RELN: variants seen among roughly 807,000 people sequenced by gnomAD.
The protein encoded by RELN is reelin.
Under a neutral mutation model 427.6 loss-of-function variants are expected in RELN, and 108 were observed. The observed-to-expected ratio is 0.25, with a 90% CI of 0.22 to 0.30. RELN has a LOEUF of 0.30. RELN is among the 10% of genes least tolerant of loss of function. RELN has a pLI of 1.00. For missense variants in RELN, 3,715 were observed against 4,302.8 expected (o/e 0.86, Z 3.82); for synonymous variants, 1,524 against 1,513.4 (o/e 1.01, Z -0.16).
chr7:103,655,035 C>T (rs1832997149), intron 12 of RELN, among the ~76,000 whole-genome samples: 1 of 151,960 alleles, frequency 6.6e-6, no homozygotes, highest in Admixed American at 6.6e-5. Context: ...TGGTCTTGAA[C>T]TCCTGGGCTC....
At chr7:103,499,552 A>G (rs1277534160) in intron 53 of RELN, among the ~76,000 whole-genome samples, 2 of 152,174 alleles carry the variant, frequency 1.3e-5, no homozygotes, top group East Asian at 3.9e-4. Flanking sequence ...GGAGAGTTCT[A>G]TCTTACTGTG....
At chr7:103,632,034 A>G (rs1005781101) in intron 19 of RELN, among the ~76,000 whole-genome samples, 2 of 152,224 alleles carry the variant, frequency 1.3e-5, no homozygotes, top group South Asian at 2.1e-4. Flanking sequence ...ATTTTTTAAC[A>G]TAACAACTGG....
chr7:103,958,284 C>T (rs900387791), intron 1 of RELN, among the ~76,000 whole-genome samples: 2 of 152,196 alleles, frequency 1.3e-5, no homozygotes, highest in Non-Finnish European at 2.9e-5. Context: ...TTCTGAAACT[C>T]AATCTCATGT....
At chr7:103,843,511 T>C (rs1267507830) in intron 2 of RELN, among the ~76,000 whole-genome samples, 5 of 152,208 alleles carry the variant, frequency 3.3e-5, no homozygotes, top group Non-Finnish European at 5.9e-5. Context: ...ACATGTGTCC[T>C]GATCCAATAG....
At chr7:103,894,637 T>C (rs1377273747) in intron 2 of RELN, among the ~76,000 whole-genome samples, 1 of 152,102 alleles carries the variant, frequency 6.6e-6, no homozygotes, top group Non-Finnish European at 1.5e-5. Flanking sequence ...TTTTCTTCTT[T>C]GTGAATCTCC....
intron 3 of RELN, among the ~76,000 whole-genome samples, chr7:103,816,620 T>C (rs1032807652): frequency 6.6e-6 from 1 of 151,346 alleles, no homozygotes; most frequent in Middle Eastern, 3.4e-3. Flanking sequence ...TGAAAATAAT[T>C]TTATCTAACA....
At chr7:103,955,680 G>C (rs1170291149) in intron 1 of RELN, among the ~76,000 whole-genome samples, 8 of 152,154 alleles carry the variant, frequency 5.3e-5, no homozygotes, top group African/African-American at 1.7e-4. Flanking sequence ...GTTGGGCACT[G>C]TAAGGCCCCG....
In RELN at chr7:103,582,835, T is replaced by C. The variant is rs116823619; in HGVS notation, c.4145+6761A>G. Among the ~76,000 whole-genome samples the C allele has an allele frequency of 9.3e-3, 1,424 of 152,332 alleles. 16 individuals carry two copies. Among genetic ancestry groups the C allele is most frequent in the African/African-American group, 0.025 (1,024 of 41,568 alleles). On this transcript the variant is annotated intron_variant, in intron 28 of 64. Coordinates refer to ENST00000428762, the MANE Select transcript of RELN (RefSeq NM_005045.4). The stretch of plus-strand genomic sequence containing the variant: ...AAAAGTCAGAATGAGATAGGTTATG[T>C]TGCGGCAACAAACAACTCTCAATCT...
At chr7:103,594,266 T>G (rs1389533723) in intron 26 of RELN, 55 bp downstream of exon 26, 25 of 1,497,686 alleles carry the variant, frequency 1.7e-5, no homozygotes, top group Non-Finnish European at 2.1e-5. Context: ...GAGTTCTTTA[T>G]GCCATTCACT....
chr7:103,599,692 C>T (rs529159944), intron 24 of RELN, among the ~76,000 whole-genome samples: 4 of 151,950 alleles, frequency 2.6e-5, no homozygotes, highest in South Asian at 4.2e-4. Context: ...AACAGGACAC[C>T]GAAATTTTAT....
At chr7:103,509,046 G>A (rs1327655506) in intron 51 of RELN, among the ~76,000 whole-genome samples, 1 of 152,186 alleles carries the variant, frequency 6.6e-6, no homozygotes, top group Non-Finnish European at 1.5e-5. Context: ...CCATGGTTAG[G>A]AAGAACCAAT....
chr7:103,786,443 A>C (rs1792017125), intron 3 of RELN, among the ~76,000 whole-genome samples: 1 of 150,754 alleles, frequency 6.6e-6, no homozygotes, highest in African/African-American at 2.4e-5. Context: ...TATTCAGGAG[A>C]CCCATCTCAT....
intron 3 of RELN, among the ~76,000 whole-genome samples, chr7:103,777,617 T>G (rs962134596): frequency 7.9e-5 from 12 of 152,122 alleles, no homozygotes; most frequent in Non-Finnish European, 8.8e-5. Flanking sequence ...TGCCCTTCCT[T>G]CGGTCAACAT....
chr7:103,474,200 A>T (rs1412841826), intron 64 of RELN, among the ~76,000 whole-genome samples: 1 of 152,178 alleles, frequency 6.6e-6, no homozygotes, highest in Non-Finnish European at 1.5e-5. Flanking sequence ...TTATAATAAA[A>T]TATCTCAAAG....
At chr7:103,516,151 G>T (rs1026877405) in intron 49 of RELN, among the ~76,000 whole-genome samples, 1 of 152,094 alleles carries the variant, frequency 6.6e-6, no homozygotes, top group East Asian at 1.9e-4. Context: ...TAGAAATAAG[G>T]TCTAAAATGC....
intron 19 of RELN, among the ~76,000 whole-genome samples, chr7:103,631,935 TTC>T (rs1832477456): frequency 6.6e-6 from 1 of 152,136 alleles, no homozygotes; most frequent in African/African-American, 2.4e-5. Flanking sequence ...ACAGTTAATA[TTC>T]TCTCTCATGA....
chr7:103,773,458 C>CCTCTCTCTCCCTCGCTCCCTCCCTCT (rs1791657103), intron 4 of RELN, among the ~76,000 whole-genome samples: 1 of 120,768 alleles, frequency 8.3e-6, no homozygotes, highest in Non-Finnish European at 1.7e-5. Flanking sequence ...TCGCTCCCTC[C>CCTCTCTCTCCCTCGCTCCCTCCCTCT]CTCTCTCTCT....
rs369869975 is a variant in RELN, at chr7:103,553,457, G to C, written c.6072+4C>G. On this transcript the variant is annotated splice_donor_region_variant and intron_variant, in intron 40 of 64. Transcript: ENST00000428762. ...AGCATTTATTATAGAACAAAGTCAA[G>C]TACCTCAAATTGTATGATGGTGTTC... is the stretch of plus-strand genomic sequence containing the variant. The C allele has an allele frequency of 2.5e-6, 4 of 1,601,830 alleles. 1 individual carries two copies. Among genetic ancestry groups the C allele is most frequent in the Non-Finnish European group, 3.4e-6 (4 of 1,169,036 alleles).
At chr7:103,863,655 C>T (rs2116501728) in intron 2 of RELN, among the ~76,000 whole-genome samples, 1 of 152,182 alleles carries the variant, frequency 6.6e-6, no homozygotes, top group South Asian at 2.1e-4. Context: ...AGAGGGCATC[C>T]AAAGGACCCC....
Sources: gnomAD v4.1 joint callset for allele counts (sites outside exome capture counted in the v4.1 genomes callset) on GRCh38, gnomAD v4.1.1 for gene constraint, MANE v1.5 for transcripts, NCBI Gene and HGNC (gene_info 2026-07-23, HGNC 2026-07-21) for gene names.